Variants in TRIM8 observed in about 807,000 individuals in gnomAD.
TRIM8 encodes the protein tripartite motif containing 8.
Under a neutral mutation model 55.7 loss-of-function variants are expected in TRIM8, and 9 were observed. That is an observed-to-expected ratio of 0.16 (90% CI 0.10 to 0.28). The LOEUF (loss-of-function observed/expected upper bound fraction) is 0.28, where lower values mean the gene tolerates loss of function less well. TRIM8 is among the 10% of genes least tolerant of loss of function. The probability of loss-of-function intolerance (pLI) is 1.00; values close to 1 mark genes in which losing one functional copy is unlikely to be tolerated. For synonymous variants in TRIM8, 335 were observed against 333.3 expected (o/e 1.01, Z -0.06); for missense variants, 556 against 736.4 (o/e 0.76, Z 2.83).
chr10:102,645,031 C>T lies in TRIM8; in HGVS notation c.414C>T (p.Asp138=). Residue 138 remains aspartate, a synonymous_variant, in exon 1 of 6, where the codon GAC becomes GAT. Transcript: ENST00000643721. ...GCGGGCACCTCCTGGTGGAGGCGGA[C>T]GACGTGCGGGCCTGGAGCTGCCCGC... ...TARGHLLVEA[D]DVRAWSCPQH... 1 of 1,593,166 alleles carries T rather than the reference C, an allele frequency of 6.3e-7. No individual in the cohort carries two copies.
At chr10:102,646,762 C>T (rs1163024599) in intron 1 of TRIM8, among the ~76,000 whole-genome samples, 1 of 151,996 alleles carries the variant, frequency 6.6e-6, no homozygotes. Context: ...GGGAGGAGGC[C>T]GGGAAAAGTG....
chr10:102,651,062 C>A (rs2063980614), intron 1 of TRIM8, among the ~76,000 whole-genome samples: 1 of 152,130 alleles, frequency 6.6e-6, no homozygotes, highest in Non-Finnish European at 1.5e-5. Context: ...CAGTGCAGCC[C>A]CCCGGACTCC....
rs770867500 is a variant in TRIM8, at chr10:102,644,603, C to T, written c.-15C>T. 3.7e-6 allele frequency: 6 copies of T among 1,609,140 alleles called. No individual in the cohort carries two copies. The South Asian group carries it at 4.4e-5, about 12-fold the overall frequency. On this transcript the variant is annotated 5_prime_UTR_variant, in exon 1 of 6. Transcript: ENST00000643721. Reference sequence around the variant, plus strand: ...AGTCGGGGAGGCCTGCCCCGGCCCCCTGCCCGCGGCCGCCATGGCGGAGAA... The same window carrying T: ...AGTCGGGGAGGCCTGCCCCGGCCCCTTGCCCGCGGCCGCCATGGCGGAGAA...
In TRIM8 at chr10:102,644,555, C is replaced by G; in HGVS notation, c.-63C>G. The G allele has an allele frequency of 2.0e-6, 3 of 1,535,780 alleles. No homozygotes were observed. The South Asian group carries it at 3.5e-5, about 18-fold the overall frequency. On this transcript the variant is annotated 5_prime_UTR_variant, in exon 1 of 6. Coordinates refer to ENST00000643721, the MANE Select transcript of TRIM8 (RefSeq NM_030912.3). ...GGGCTCGGTGGGCCTACAGCGGCTC[C>G]GGACGGACCCCCGGGGCTGGGGAGT...
rs2063980888 is a variant in TRIM8, at chr10:102,651,088, C to A, written c.571-3565C>A. Among the ~76,000 whole-genome samples, 3 of 152,264 alleles carry A rather than the reference C, an allele frequency of 2.0e-5. No homozygotes were observed. In the South Asian group the frequency reaches 6.2e-4, roughly 32 times the overall value. On this transcript the variant is annotated intron_variant, in intron 1 of 5. Transcript: ENST00000643721. Reference sequence around the variant, plus strand: ...CCCGGACTCCTCCCTGGCTGGCACCCCCTGGCCAGCCTCCTTCCTCTTCCT... The same window carrying A: ...CCCGGACTCCTCCCTGGCTGGCACCACCTGGCCAGCCTCCTTCCTCTTCCT...
At chr10:102,647,831 G>A (rs1405213954) in intron 1 of TRIM8, among the ~76,000 whole-genome samples, 1 of 152,158 alleles carries the variant, frequency 6.6e-6, no homozygotes, top group Non-Finnish European at 1.5e-5. Flanking sequence ...CTAGAAATAG[G>A]AAACTCTGAT....
In TRIM8 at chr10:102,656,841, G is replaced by A. The variant is rs781102472; in HGVS notation, c.1143G>A (p.Thr381=). 5.2e-6 allele frequency: 8 copies of A among 1,546,638 alleles called. No homozygotes were observed. Among genetic ancestry groups the A allele is most frequent in the Non-Finnish European group, 6.1e-6 (7 of 1,148,252 alleles). ...GGGCGGAAAAGCGCAAGCACTCAAC[G>A]GCCTTCCCAGAGGCCAGTTTCCTAG... is the stretch of plus-strand genomic sequence containing the variant. ...SSGAEKRKHS[T]AFPEASFLET... Residue 381 remains threonine (T), a synonymous_variant, in exon 6 of 6, where the codon ACG becomes ACA. Coordinates refer to ENST00000643721, the MANE Select transcript of TRIM8 (RefSeq NM_030912.3). This position sits in a 1 kb window ranked among gnomAD's most constrained non-coding sequence, Gnocchi z 4.6.
chr10:102,655,578 T>C (rs1249491401), intron 3 of TRIM8, among the ~76,000 whole-genome samples: 1 of 152,204 alleles, frequency 6.6e-6, no homozygotes, highest in Non-Finnish European at 1.5e-5. Context: ...TAAACATCTC[T>C]GGAAACTAAA....
At chr10:102,650,648 T>TGTAA (rs1237314676) in intron 1 of TRIM8, among the ~76,000 whole-genome samples, 6 of 152,094 alleles carry the variant, frequency 3.9e-5, no homozygotes, top group Non-Finnish European at 1.5e-5. Context: ...CGGTGGCATG[T>TGTAA]GTAAGGTGCC....
intron 1 of TRIM8, among the ~76,000 whole-genome samples, chr10:102,647,219 A>AG (rs2063943443): frequency 6.6e-6 from 1 of 152,026 alleles, no homozygotes; most frequent in Non-Finnish European, 1.5e-5. Context: ...GCAACTCCGC[A>AG]GGGTGTGTGT....
At chr10:102,655,656 A>G (rs1329919267) in intron 3 of TRIM8, among the ~76,000 whole-genome samples, 1 of 152,242 alleles carries the variant, frequency 6.6e-6, no homozygotes, top group Non-Finnish European at 1.5e-5. Context: ...TATGGTCTTT[A>G]TCTTGCTTAG....
At position 102,644,871 on chromosome 10, in the gene TRIM8, A is replaced by AGCC. The variant is rs1274900022; in HGVS notation, c.259_261dup (p.Pro87dup). ...AAGTTCAATGCCCTGCACGTGGAGA[A>AGCC]GCCGCCGGCGGCGCTGCACTGCGTG... is the stretch of plus-strand genomic sequence containing the variant. On this transcript the variant is annotated inframe_insertion, in exon 1 of 6. Coordinates refer to ENST00000643721, the MANE Select transcript of TRIM8 (RefSeq NM_030912.3). The AGCC allele has an allele frequency of 6.2e-7, 1 of 1,611,746 alleles. No individual in the cohort carries two copies. The highest frequency in any genetic ancestry group is 1.3e-5 in the African/African-American group (1 of 75,002).
intron 1 of TRIM8, 134 bp from the exon 2 acceptor site, chr10:102,654,519 A>T (rs1180063449): frequency 1.2e-5 from 9 of 745,136 alleles, no homozygotes; most frequent in Non-Finnish European, 1.9e-5. Context: ...GGAGGGGGCC[A>T]AAGGGGCTGG....
intron 1 of TRIM8, 133 bp from the exon 2 acceptor site, chr10:102,654,520 A>G (rs888536295): frequency 1.6e-5 from 12 of 746,604 alleles, no homozygotes; most frequent in East Asian, 2.5e-5. Context: ...GAGGGGGCCA[A>G]AGGGGCTGGG....
At chr10:102,646,749 T>G (rs2063939080) in intron 1 of TRIM8, among the ~76,000 whole-genome samples, 1 of 151,866 alleles carries the variant, frequency 6.6e-6, no homozygotes, top group Non-Finnish European at 1.5e-5. Flanking sequence ...ATGGAAGGGC[T>G]GGGGGAGGAG....
intron 1 of TRIM8, among the ~76,000 whole-genome samples, chr10:102,646,209 T>C (rs1484534717): frequency 6.6e-6 from 1 of 152,186 alleles, no homozygotes; most frequent in Non-Finnish European, 1.5e-5. Context: ...CCCTCCCCAG[T>C]CCTCTGGCTT....
intron 1 of TRIM8, 23 bp from the exon 2 acceptor site, chr10:102,654,630 C>T (rs1487778299): frequency 3.1e-6 from 5 of 1,595,332 alleles, no homozygotes; most frequent in Non-Finnish European, 4.3e-6. Context: ...CCCTCTGATA[C>T]TCCCACCCAA....
Position 102,656,600 on chromosome 10 carries a change from C to A in TRIM8, c.1049-147C>A. ...AAGTGGGGATATAACTATTCTGTACCTCCTAATGGTAGAGGAGCAAGCATC... is the reference window on the plus strand; with the variant it reads ...AAGTGGGGATATAACTATTCTGTACATCCTAATGGTAGAGGAGCAAGCATC... On this transcript the variant is annotated intron_variant, in intron 5 of 5. Transcript: ENST00000643721. This position sits in a 1 kb window ranked among gnomAD's most constrained non-coding sequence, Gnocchi z 4.6. 1 of 1,363,148 alleles carries A rather than the reference C, an allele frequency of 7.3e-7. No individual in the cohort carries two copies. The highest frequency in any genetic ancestry group is 9.9e-7 in the Non-Finnish European group (1 of 1,008,854). 84.4% of individuals were successfully genotyped at this position (1,363,148 alleles called of 1,614,324 possible).
chr10:102,655,156 G>A lies in TRIM8; in HGVS notation c.743G>A (p.Arg248Gln), dbSNP rs1277413183. Residue 248 changes from arginine (R) to glutamine (Q), a missense_variant, in exon 3 of 6, where the codon CGG becomes CAG. Physicochemically the swap from Arg to Gln is conservative, Grantham distance 43. Transcript: ENST00000643721. The part of the protein sequence containing the change: ...KLHQLLDEDL[R>Q]QTVEVLDKAQ... ...CACCAGCTGCTGGACGAGGACCTGCGGCAGACAGTGGAGGTCCTAGACAAG... is the reference window on the plus strand; with the variant it reads ...CACCAGCTGCTGGACGAGGACCTGCAGCAGACAGTGGAGGTCCTAGACAAG... The A allele has an allele frequency of 3.7e-6, 6 of 1,612,056 alleles. No homozygotes were observed. Among genetic ancestry groups the A allele is most frequent in the African/African-American group, 1.3e-5 (1 of 74,740 alleles).
Sources: allele counts gnomAD v4.1 joint callset (sites outside exome capture counted in the v4.1 genomes callset), GRCh38; gene constraint gnomAD v4.1.1; non-coding constraint Gnocchi (gnomAD v3.1); transcripts MANE v1.5; gene names NCBI Gene and HGNC (gene_info 2026-07-23, HGNC 2026-07-21).